Variants in USP30 observed in about 807,000 individuals in gnomAD.
USP30 encodes ubiquitin carboxyl-terminal hydrolase 30.
USP30 carries 41 observed loss-of-function variants against 68.2 expected under a neutral mutation model. The ratio of observed to expected loss-of-function variants is 0.60; its 90% CI spans 0.47 to 0.78. USP30 has a LOEUF of 0.78. USP30 is among the 30% of genes least tolerant of loss of function. The pLI is 0.00. For synonymous variants in USP30, 229 were observed against 253.7 expected (o/e 0.90, Z 0.93); for missense variants, 522 against 649.4 (o/e 0.80, Z 2.13).
At position 109,082,834 on chromosome 12, in the gene USP30, C is replaced by T. The variant is rs1373546927; in HGVS notation, c.949-9C>T. ...AACTCGGTTCTCCCGATTTCTCTTC[C>T]ACCCGCAGCTCCCTCAGTGTCTCTG... On this transcript the variant is annotated splice_polypyrimidine_tract_variant and intron_variant, in intron 10 of 12. Coordinates refer to ENST00000257548, the MANE Select transcript of USP30 (RefSeq NM_032663.5). The T allele has an allele frequency of 6.2e-7, 1 of 1,612,112 alleles. No individual in the cohort carries two copies. Among genetic ancestry groups the T allele is most frequent in the Admixed American group, 1.7e-5 (1 of 59,892 alleles).
intron 3 of USP30, among the ~76,000 whole-genome samples, chr12:109,036,596 T>C (rs1349502023): frequency 1.3e-5 from 2 of 152,172 alleles, no homozygotes; most frequent in African/African-American, 2.4e-5. Flanking sequence ...GTATTTCTTA[T>C]AGGGCAAGTC....
chr12:109,025,093 A>G (rs1317666987), intron 2 of USP30: 1 of 152,216 alleles, frequency 6.6e-6, no homozygotes. Flanking sequence ...CTCTTTCTCC[A>G]GGAGCTGTTT....
At chr12:109,085,214 A>T in intron 12 of USP30, 141 bp downstream of exon 12, 1 of 1,041,910 alleles carries the variant, frequency 9.6e-7, no homozygotes, top group South Asian at 3.1e-5. Context: ...ACACATTCCT[A>T]TTTATTTTTG....
intron 3 of USP30, among the ~76,000 whole-genome samples, chr12:109,061,245 C>A (rs1488249175): frequency 2.0e-5 from 3 of 151,998 alleles, no homozygotes; most frequent in Admixed American, 2.0e-4. Context: ...CTGAAATGTC[C>A]ACATGAGTTA....
chr12:109,070,467 T>A lies in USP30; in HGVS notation c.481-1145T>A, dbSNP rs1242797887. Reference sequence around the variant, plus strand: ...CCGAAATGGGAATAAGCTGGATATGTTCAAGGAACAGCAAAGAGGCCAGGG... The same window carrying A: ...CCGAAATGGGAATAAGCTGGATATGATCAAGGAACAGCAAAGAGGCCAGGG... On this transcript the variant is annotated intron_variant, in intron 4 of 12. Coordinates refer to ENST00000257548, the MANE Select transcript of USP30 (RefSeq NM_032663.5). The surrounding 1 kb of genome is among the most constrained non-coding windows in gnomAD (Gnocchi z 4.0). Among the ~76,000 whole-genome samples the A allele has an allele frequency of 2.0e-5, 3 of 152,124 alleles. No homozygotes were observed. The highest frequency in any genetic ancestry group is 4.4e-5 in the Non-Finnish European group (3 of 67,992).
intron 3 of USP30, among the ~76,000 whole-genome samples, chr12:109,035,198 C>T (rs763659754): frequency 2.0e-5 from 3 of 151,966 alleles, no homozygotes; most frequent in Non-Finnish European, 2.9e-5. Flanking sequence ...TTTTGCTCCT[C>T]AGCTCCTCCA....
chr12:109,052,639 G>C lies in USP30; in HGVS notation c.-40G>C. ...CCTCGGTCCGGCGGCGGCGGCGGCG[G>C]TAGCGGAGGAGACGGTTTCAGGCCT... On this transcript the variant is annotated 5_prime_UTR_variant, in exon 1 of 13. Coordinates refer to ENST00000257548, the MANE Select transcript of USP30 (RefSeq NM_032663.5). 6.8e-7 allele frequency: 1 copy of C among 1,461,928 alleles called. No homozygotes were observed. The highest frequency in any genetic ancestry group is 9.0e-7 in the Non-Finnish European group (1 of 1,113,544). The allele number at this position is 1,461,928 out of a possible 1,614,324, so 90.6% of individuals were successfully genotyped here. A position where few individuals can be genotyped will look rare whatever the true frequency, so the allele number is the denominator to read the frequency against.
chr12:109,037,571 GT>G (rs1342241220), intron 3 of USP30, among the ~76,000 whole-genome samples: 1 of 152,100 alleles, frequency 6.6e-6, no homozygotes, highest in Non-Finnish European at 1.5e-5. Flanking sequence ...CTCAGGGCTT[GT>G]TTTTGCTGCT....
At chr12:109,065,589 A>G (rs1375921279) in intron 3 of USP30, among the ~76,000 whole-genome samples, 1 of 152,224 alleles carries the variant, frequency 6.6e-6, no homozygotes, top group Non-Finnish European at 1.5e-5. Context: ...CATTTTCCAT[A>G]CAATGGCTAA....
chr12:109,059,228 T>C (rs1168319512), intron 3 of USP30, among the ~76,000 whole-genome samples: 1 of 152,166 alleles, frequency 6.6e-6, no homozygotes, highest in African/African-American at 2.4e-5. Context: ...GAGTCTCACC[T>C]TTTTTTCCCA....
chr12:109,052,913 C>G (rs2040714415), intron 1 of USP30, 152 bp downstream of exon 1: 8 of 741,992 alleles, frequency 1.1e-5, no homozygotes, highest in Non-Finnish European at 1.5e-5. Context: ...GAGGCCTGGG[C>G]CCGTAGGTGG....
chr12:109,043,790 C>A (rs1173652120), intron 3 of USP30, among the ~76,000 whole-genome samples: 2 of 152,076 alleles, frequency 1.3e-5, no homozygotes, highest in Non-Finnish European at 1.5e-5. Flanking sequence ...AAGAAAGCAA[C>A]CCACAGAATA....
Position 109,081,392 on chromosome 12 carries a change from G to T in USP30, c.779G>T (p.Trp260Leu). Residue 260 changes from tryptophan (W) to leucine (L), a missense_variant and splice_region_variant, in exon 8 of 13, where the codon TGG becomes TTG. Physicochemically the swap from Trp to Leu is moderately conservative, Grantham distance 61. Transcript: ENST00000257548. ...TCACTAAGTATTCCAGCCGCCACAT[G>T]GGTATGTACTGATTTATGGTTTATT... ...SLSLSIPAAT[W>L]GHPLTLDHCL... is the part of the protein sequence containing the mutation. 1 of 1,613,974 alleles carries T rather than the reference G, an allele frequency of 6.2e-7. No individual in the cohort carries two copies. The highest frequency in any genetic ancestry group is 1.6e-4 in the Middle Eastern group (1 of 6,062).
chr12:109,059,709 C>T (rs1276343044), intron 3 of USP30, among the ~76,000 whole-genome samples: 3 of 151,806 alleles, frequency 2.0e-5, no homozygotes, highest in Non-Finnish European at 4.4e-5. Context: ...AGACAGTGTT[C>T]GCCATGTTAG....
chr12:109,062,529 C>T (rs949150456), intron 3 of USP30, among the ~76,000 whole-genome samples: 3 of 151,226 alleles, frequency 2.0e-5, no homozygotes, highest in Non-Finnish European at 2.9e-5. Flanking sequence ...GGGGTTTCAC[C>T]GTGTTAGCCA....
At chr12:109,039,713 C>A (rs1335203175) in intron 3 of USP30, among the ~76,000 whole-genome samples, 1 of 152,140 alleles carries the variant, frequency 6.6e-6, no homozygotes, top group African/African-American at 2.4e-5. Context: ...CAGGTTCAAG[C>A]AATTCTTCTG....
At chr12:109,059,966 C>G (rs1384195400) in intron 3 of USP30, 1 of 152,200 alleles carries the variant, frequency 6.6e-6, no homozygotes, top group Non-Finnish European at 1.5e-5. Context: ...AGATATCAAA[C>G]AGAATCATTA....
intron 7 of USP30, among the ~76,000 whole-genome samples, chr12:109,074,104 T>C (rs2041524627): frequency 6.6e-6 from 1 of 152,216 alleles, no homozygotes; most frequent in Non-Finnish European, 1.5e-5. Flanking sequence ...TTCTGGATGC[T>C]TCATATAAAT....
At chr12:109,081,302 C>A (rs552359918) in intron 7 of USP30, 32 bp from the exon 8 acceptor site, 2 of 1,611,510 alleles carry the variant, frequency 1.2e-6, no homozygotes, top group African/African-American at 1.3e-5. Context: ...AAGCCTAAAT[C>A]GTTTCTGGAT....
Sources: gnomAD v4.1 joint callset for allele counts (sites outside exome capture counted in the v4.1 genomes callset) on GRCh38, gnomAD v4.1.1 for gene constraint, Gnocchi (gnomAD v3.1) non-coding constraint, MANE v1.5 for transcripts, NCBI Gene and HGNC (gene_info 2026-07-23, HGNC 2026-07-21) for gene names.